Variants in GRID2 observed in about 807,000 individuals in gnomAD.
GRID2 encodes glutamate ionotropic receptor delta type subunit 2.
In GRID2, 33 loss-of-function variants were observed where a neutral mutation model predicts 114.8. The ratio of observed to expected loss-of-function variants is 0.29; its 90% CI spans 0.22 to 0.38. GRID2 has a LOEUF of 0.38. Ranked by LOEUF, GRID2 falls within the 10% of genes least tolerant of loss-of-function variation. The probability of loss-of-function intolerance (pLI) is 1.00; values close to 1 mark genes in which losing one functional copy is unlikely to be tolerated. For synonymous variants in GRID2, 505 were observed against 449.9 expected (o/e 1.12, Z -1.55); for missense variants, 1,184 against 1,257.7 (o/e 0.94, Z 0.89).
chr4:92,749,098 A>G (rs1039713235), intron 2 of GRID2, among the ~76,000 whole-genome samples: 4 of 151,252 alleles, frequency 2.6e-5, no homozygotes, highest in Non-Finnish European at 4.4e-5. Flanking sequence ...GGTGCAAGCG[A>G]TTCTCCTGCC....
Position 93,513,845 on chromosome 4 carries a change from A to G in GRID2, c.1998-1371A>G, listed in dbSNP as rs117747125. Among the ~76,000 whole-genome samples, 58 of 152,302 alleles carry G rather than the reference A, an allele frequency of 3.8e-4. No individual in the cohort carries two copies. The East Asian group carries it at 0.01, about 27-fold the overall frequency. On this transcript the variant is annotated intron_variant, in intron 12 of 15. Coordinates refer to ENST00000282020, the MANE Select transcript of GRID2 (RefSeq NM_001510.4). The stretch of plus-strand genomic sequence containing the variant: ...TGTTTCCAACACAATTTTGTACATG[A>G]TGGAGATTGGTGAACTGCAAGAGTA...
chr4:92,402,314 C>T (rs35176199), intron 1 of GRID2, among the ~76,000 whole-genome samples: 679 of 152,218 alleles, frequency 4.5e-3, no homozygotes, highest in Non-Finnish European at 7.7e-3. Flanking sequence ...ATGAAACACA[C>T]GTTTTTATTG....
chr4:92,888,961 G>A (rs974983946), intron 2 of GRID2, among the ~76,000 whole-genome samples: 1 of 151,632 alleles, frequency 6.6e-6, no homozygotes, highest in African/African-American at 2.4e-5. Flanking sequence ...ATTGTATTTT[G>A]GTAATTGTCT....
intron 8 of GRID2, among the ~76,000 whole-genome samples, chr4:93,344,839 CT>C (rs925987147): frequency 6.6e-6 from 1 of 151,772 alleles, no homozygotes; most frequent in African/African-American, 2.4e-5. Flanking sequence ...AATTTGATAT[CT>C]TTTAGATTCC....
At chr4:92,981,999 A>G (rs1239376625) in intron 2 of GRID2, among the ~76,000 whole-genome samples, 4 of 144,688 alleles carry the variant, frequency 2.8e-5, no homozygotes, top group African/African-American at 7.7e-5. Context: ...ACAGAAAAGT[A>G]TCTTCACAGT....
intron 1 of GRID2, among the ~76,000 whole-genome samples, chr4:92,481,110 G>A (rs1198097173): frequency 2.0e-5 from 3 of 152,182 alleles, no homozygotes; most frequent in East Asian, 1.9e-4. Context: ...TGTATATGAC[G>A]TAAACATGGT....
Position 93,436,961 on chromosome 4 carries a change from A to G in GRID2, c.1545+13993A>G, listed in dbSNP as rs538115958. Among the ~76,000 whole-genome samples the G allele has an allele frequency of 2.6e-5, 4 of 152,290 alleles. No individual in the cohort carries two copies. The South Asian group carries it at 8.3e-4, about 32-fold the overall frequency. ...TGATTGATATATATTTTATTTTACAAAATAATGTAAATGTGTTATATATGC... is the reference window on the plus strand; with the variant it reads ...TGATTGATATATATTTTATTTTACAGAATAATGTAAATGTGTTATATATGC... On this transcript the variant is annotated intron_variant, in intron 10 of 15. Transcript: ENST00000282020.
At chr4:92,333,723 C>A (rs1198658834) in intron 1 of GRID2, among the ~76,000 whole-genome samples, 1 of 152,172 alleles carries the variant, frequency 6.6e-6, no homozygotes, top group East Asian at 1.9e-4. Context: ...ACCAGATACC[C>A]TTTTTAAAAA....
At chr4:92,865,967 T>G (rs1744833681) in intron 2 of GRID2, among the ~76,000 whole-genome samples, 1 of 152,204 alleles carries the variant, frequency 6.6e-6, no homozygotes, top group Non-Finnish European at 1.5e-5. Flanking sequence ...AAAATTAATT[T>G]CAGCTATCAC....
chr4:93,715,578 CTATT>C (rs1728839426), intron 14 of GRID2, among the ~76,000 whole-genome samples: 1 of 152,094 alleles, frequency 6.6e-6, no homozygotes, highest in Non-Finnish European at 1.5e-5. Flanking sequence ...GAATGTTTTT[CTATT>C]TGTTTGTATC....
chr4:93,086,906 C>T (rs188846325), intron 3 of GRID2, among the ~76,000 whole-genome samples: 1 of 151,962 alleles, frequency 6.6e-6, no homozygotes, highest in East Asian at 1.9e-4. Context: ...TCTTTTTTTA[C>T]TTAAATGATA....
chr4:93,270,219 C>CACACAT (rs1561068354), intron 8 of GRID2, among the ~76,000 whole-genome samples: 1 of 55,684 alleles, frequency 1.8e-5, no homozygotes, highest in African/African-American at 4.0e-4. Flanking sequence ...CACACATACA[C>CACACAT]ACACACACAC....
chr4:93,322,188 C>T (rs1041122836), intron 8 of GRID2, among the ~76,000 whole-genome samples: 1 of 151,920 alleles, frequency 6.6e-6, no homozygotes, highest in Non-Finnish European at 1.5e-5. Flanking sequence ...TAATGCTATC[C>T]CTCCCCGCTT....
intron 4 of GRID2, among the ~76,000 whole-genome samples, chr4:93,176,034 C>T (rs769987094): frequency 2.0e-5 from 3 of 152,048 alleles, no homozygotes; most frequent in Non-Finnish European, 2.9e-5. Flanking sequence ...TAATAGCAGT[C>T]ATAATAATGG....
At chr4:92,728,675 T>A (rs1361223073) in intron 2 of GRID2, among the ~76,000 whole-genome samples, 2 of 151,792 alleles carry the variant, frequency 1.3e-5, no homozygotes, top group Non-Finnish European at 2.9e-5. Context: ...CAGCCCAAAC[T>A]CAAGTGGAAG....
At chr4:92,630,426 G>T (rs1730746881) in intron 2 of GRID2, among the ~76,000 whole-genome samples, 1 of 152,026 alleles carries the variant, frequency 6.6e-6, no homozygotes, top group Admixed American at 6.6e-5. Flanking sequence ...TCTGCCCCAC[G>T]AAAACCTTCT....
At chr4:92,526,505 G>A (rs1225758618) in intron 1 of GRID2, among the ~76,000 whole-genome samples, 1 of 152,012 alleles carries the variant, frequency 6.6e-6, no homozygotes, top group African/African-American at 2.4e-5. Flanking sequence ...AACATGCCAG[G>A]CTAATTTTTT....
chr4:92,909,759 G>A (rs1748230687), intron 2 of GRID2, among the ~76,000 whole-genome samples: 1 of 152,004 alleles, frequency 6.6e-6, no homozygotes. Flanking sequence ...CATTAATTAA[G>A]CACCTATTTT....
intron 5 of GRID2, among the ~76,000 whole-genome samples, chr4:93,212,693 G>C (rs1743681786): frequency 6.6e-6 from 1 of 151,832 alleles, no homozygotes. Context: ...TACTTAATTT[G>C]AATAGTGTAA....
Sources: allele counts gnomAD v4.1 joint callset (sites outside exome capture counted in the v4.1 genomes callset), GRCh38; gene constraint gnomAD v4.1.1; transcripts MANE v1.5; gene names NCBI Gene and HGNC (gene_info 2026-07-23, HGNC 2026-07-21).